The following NR2C2 variants were observed in gnomAD, a reference collection of about 807,000 sequenced individuals.
The protein encoded by NR2C2 is Nuclear hormone receptor TR4.
A neutral mutation model predicts 62.9 loss-of-function variants in NR2C2; 6 were observed. The ratio of observed to expected loss-of-function variants is 0.10; its 90% CI spans 0.05 to 0.19. The LOEUF is 0.19. Among genes scored for constraint, NR2C2 ranks in the 10% least tolerant of loss-of-function variants. The pLI is 1.00. For synonymous variants in NR2C2, 272 were observed against 273.8 expected, an observed-to-expected ratio of 0.99 and a Z score of 0.07; for missense variants, 479 against 762.7, an observed-to-expected ratio of 0.63 and a Z score of 4.38.
chr3:14,953,193 G>A (rs115718426), intron 1 of NR2C2, among the ~76,000 whole-genome samples: 1,665 of 152,248 alleles, frequency 0.011, 26 homozygotes, highest in African/African-American at 0.037. Flanking sequence ...TTTTTTAGGG[G>A]CAATAAAAAG....
chr3:14,963,552 T>C (rs2125255425), intron 1 of NR2C2, among the ~76,000 whole-genome samples: 1 of 152,220 alleles, frequency 6.6e-6, no homozygotes, highest in South Asian at 2.1e-4. Flanking sequence ...CACTGCAAGC[T>C]CCGCTTCCTG....
At chr3:15,001,222 G>A (rs1333714241) in intron 1 of NR2C2, among the ~76,000 whole-genome samples, 1 of 150,668 alleles carries the variant, frequency 6.6e-6, no homozygotes, top group East Asian at 1.9e-4. Flanking sequence ...TATCCTTTTT[G>A]ATGCATGGTC....
At chr3:15,014,020 C>T (rs1245533322) in intron 3 of NR2C2, among the ~76,000 whole-genome samples, 1 of 152,170 alleles carries the variant, frequency 6.6e-6, no homozygotes, top group Admixed American at 6.6e-5. Flanking sequence ...ACCTGGAAGT[C>T]AGTGGCCACA....
chr3:14,984,749 A>G (rs1328305769), intron 1 of NR2C2, among the ~76,000 whole-genome samples: 1 of 151,902 alleles, frequency 6.6e-6, no homozygotes, highest in Non-Finnish European at 1.5e-5. Context: ...TGCTGTGAAC[A>G]TTTGTGTATG....
At chr3:15,015,409 C>T (rs369406439) in intron 3 of NR2C2, among the ~76,000 whole-genome samples, 353 of 152,334 alleles carry the variant, frequency 2.3e-3, no homozygotes, top group African/African-American at 8.0e-3. Flanking sequence ...CATTTGTTCT[C>T]GTCATCAGCT....
intron 9 of NR2C2, 71 bp from the exon 10 acceptor site, chr3:15,032,300 GACAGGGAT>G (rs1296614927): frequency 1.3e-6 from 2 of 1,593,466 alleles, no homozygotes; most frequent in African/African-American, 1.3e-5. Flanking sequence ...ATTGAAGCAT[GACAGGGAT>G]ACATGTTGAC....
At chr3:15,014,725 A>G (rs2041457586) in intron 3 of NR2C2, among the ~76,000 whole-genome samples, 1 of 152,096 alleles carries the variant, frequency 6.6e-6, no homozygotes, top group African/African-American at 2.4e-5. Flanking sequence ...TAGGTACCTC[A>G]TATAAGTGAA....
intron 2 of NR2C2, among the ~76,000 whole-genome samples, chr3:15,011,882 T>C (rs1003788624): frequency 2.0e-5 from 3 of 152,246 alleles, no homozygotes; most frequent in Non-Finnish European, 1.5e-5. Flanking sequence ...GTTGCATCCC[T>C]GTCTCCTTCC....
At chr3:14,964,024 C>T (rs748118928) in intron 1 of NR2C2, among the ~76,000 whole-genome samples, 1 of 151,974 alleles carries the variant, frequency 6.6e-6, no homozygotes, top group Non-Finnish European at 1.5e-5. Flanking sequence ...ATCAGAGTTA[C>T]AGAAGTATTG....
intron 12 of NR2C2, 175 bp downstream of exon 12, chr3:15,038,312 C>T: frequency 1.8e-6 from 1 of 559,206 alleles, no homozygotes. Context: ...AAATTCTTGC[C>T]TTTACAGCCC....
chr3:15,012,161 G>A lies in NR2C2; in HGVS notation c.73-1428G>A, dbSNP rs145719694. 4.5e-3 allele frequency among the ~76,000 whole-genome samples: 677 copies of A among 151,206 alleles called. 1 individual carries two copies. The highest frequency in any genetic ancestry group is 0.016 in the African/African-American group (645 of 41,290). On this transcript the variant is annotated intron_variant, in intron 2 of 13. Transcript: ENST00000425241. ...GCCAGCCAACATTGTCTTATTTTCC[G>A]TATTGCAGTTAGCCAAGCTGTTGTG... is the stretch of plus-strand genomic sequence containing the variant.
intron 7 of NR2C2, among the ~76,000 whole-genome samples, chr3:15,024,567 GT>G (rs1339793275): frequency 2.0e-5 from 3 of 152,186 alleles, no homozygotes; most frequent in Non-Finnish European, 4.4e-5. Flanking sequence ...AAAGCCCCGG[GT>G]TCCTTTTTAT....
chr3:15,022,990 C>T (rs2041719579), intron 5 of NR2C2, among the ~76,000 whole-genome samples: 1 of 152,152 alleles, frequency 6.6e-6, no homozygotes. Flanking sequence ...TACCACCCAT[C>T]GTGAGGTCTT....
At chr3:15,031,066 C>T (rs987674364) in intron 9 of NR2C2, among the ~76,000 whole-genome samples, 3 of 152,146 alleles carry the variant, frequency 2.0e-5, no homozygotes. Flanking sequence ...GAATGCTCTG[C>T]CTCTGCCTCT....
At chr3:15,028,457 T>C in intron 7 of NR2C2, 129 bp from the exon 8 acceptor site, 1 of 735,384 alleles carries the variant, frequency 1.4e-6, no homozygotes, top group East Asian at 2.7e-5. Context: ...ATCTTCCTCG[T>C]GTTGCCCCTT....
intron 1 of NR2C2, among the ~76,000 whole-genome samples, chr3:14,991,350 A>T (rs1365127074): frequency 6.6e-6 from 1 of 152,238 alleles, no homozygotes; most frequent in Non-Finnish European, 1.5e-5. Context: ...CTTCTCGCTG[A>T]TGCAAGTTGC....
chr3:15,021,003 G>T (rs1014380893), intron 5 of NR2C2, 71 bp downstream of exon 5: 9 of 1,435,582 alleles, frequency 6.3e-6, no homozygotes, highest in Non-Finnish European at 7.7e-6. Flanking sequence ...ATTAAATAAG[G>T]TTTCTATACC....
chr3:15,013,981 C>G (rs1353808110), intron 3 of NR2C2, among the ~76,000 whole-genome samples, 192 bp downstream of exon 3: 2 of 152,152 alleles, frequency 1.3e-5, no homozygotes, highest in Non-Finnish European at 2.9e-5. Flanking sequence ...AGACAGTCAA[C>G]TATAACACTC....
At position 15,047,838 on chromosome 3, in the gene NR2C2, AT is replaced by A. The variant is rs2042509714; in HGVS notation, c.*4831del. ...ATGTAAATGACTTTAACTCCTTTCT[AT>A]AAGTTATGATTTTAAATTTTCAGAT... On this transcript the variant is annotated 3_prime_UTR_variant, in exon 14 of 14. Transcript: ENST00000425241. 6.6e-6 allele frequency: 1 copy of A among 152,182 alleles called. No homozygotes were observed. The highest frequency in any genetic ancestry group is 1.5e-5 in the Non-Finnish European group (1 of 68,028). 9.4% of individuals were successfully genotyped at this position (152,182 alleles called of 1,614,324 possible).
Sources: gnomAD v4.1 joint callset for allele counts (sites outside exome capture counted in the v4.1 genomes callset) on GRCh38, gnomAD v4.1.1 for gene constraint, MANE v1.5 for transcripts, NCBI Gene and HGNC (gene_info 2026-07-23, HGNC 2026-07-21) for gene names.